The following FA2H variants were observed in gnomAD, a reference collection of about 807,000 sequenced individuals.
FA2H encodes fatty acid 2-hydroxylase.
FA2H carries 22 observed loss-of-function variants against 44.9 expected under a neutral mutation model. The observed-to-expected ratio is 0.49, with a 90% CI of 0.35 to 0.70. The LOEUF (loss-of-function observed/expected upper bound fraction) is 0.70. Ranked by LOEUF, FA2H falls within the 30% of genes least tolerant of loss-of-function variation. FA2H has a pLI of 0.01. For missense variants in FA2H, 501 were observed against 504.9 expected (o/e 0.99, Z 0.07); for synonymous variants, 243 against 213.2 (o/e 1.14, Z -1.22).
chr16:74,730,975 C>A (rs1962060411), intron 2 of FA2H, among the ~76,000 whole-genome samples: 1 of 152,260 alleles, frequency 6.6e-6, no homozygotes, highest in Non-Finnish European at 1.5e-5. Flanking sequence ...TACTCCTTCT[C>A]CCGAAGTCCG....
intron 1 of FA2H, among the ~76,000 whole-genome samples, chr16:74,747,579 G>A (rs564337725): frequency 6.6e-6 from 1 of 152,044 alleles, no homozygotes; most frequent in African/African-American, 2.4e-5. Flanking sequence ...AGATCATTAC[G>A]GTGGGCCTTA....
At chr16:74,761,179 C>A (rs1364571251) in intron 1 of FA2H, among the ~76,000 whole-genome samples, 2 of 152,176 alleles carry the variant, frequency 1.3e-5, no homozygotes, top group African/African-American at 4.8e-5. Flanking sequence ...GGGTCGGGCG[C>A]GGTGGTTCAT....
chr16:74,736,647 C>T (rs1413927733), intron 2 of FA2H, among the ~76,000 whole-genome samples: 2 of 152,230 alleles, frequency 1.3e-5, no homozygotes, highest in African/African-American at 2.4e-5. Flanking sequence ...AGGCTGATCA[C>T]ACCCATTGGC....
intron 5 of FA2H, among the ~76,000 whole-genome samples, chr16:74,717,886 A>G (rs1268127628): frequency 1.3e-5 from 2 of 152,194 alleles, no homozygotes; most frequent in Non-Finnish European, 2.9e-5. Context: ...AAGGCTTCAC[A>G]AACAGGGCAA....
chr16:74,724,911 C>A (rs1446281033), intron 4 of FA2H, among the ~76,000 whole-genome samples: 1 of 152,188 alleles, frequency 6.6e-6, no homozygotes, highest in African/African-American at 2.4e-5. Context: ...CTGGAGGAAT[C>A]CGGCGGAGGG....
chr16:74,726,709 C>A (rs1381648188), intron 3 of FA2H, among the ~76,000 whole-genome samples: 1 of 152,202 alleles, frequency 6.6e-6, no homozygotes, highest in Non-Finnish European at 1.5e-5. Context: ...CTTAGAGACA[C>A]ATAACTCAAC....
Position 74,774,651 on chromosome 16 carries a change from G to A in FA2H, c.105C>T (p.Asp35=), listed in dbSNP as rs1215324001. ...GGTGGTGCCGCACGAAGCTGGAGAG[G>A]TCGTAGAGGCGGGCCCCGCGGCGGA... The part of the protein sequence containing the change: ...CWVRRGARLY[D]LSSFVRHHPG... The change falls in exon 1 of 7, where the codon GAC becomes GAT. Residue 35 remains aspartate (D), a synonymous_variant. Coordinates refer to ENST00000219368, the MANE Select transcript of FA2H (RefSeq NM_024306.5). The A allele has an allele frequency of 7.5e-6, 11 of 1,461,862 alleles. No individual in the cohort carries two copies. In the East Asian group the frequency reaches 1.5e-4, roughly 20 times the overall value. The allele number at this position is 1,461,862 out of a possible 1,614,324, so 90.6% of individuals were successfully genotyped here. A position where few individuals can be genotyped will look rare whatever the true frequency, so the allele number is the denominator to read the frequency against.
chr16:74,745,532 T>A (rs547286415), intron 1 of FA2H, among the ~76,000 whole-genome samples: 28 of 152,342 alleles, frequency 1.8e-4, no homozygotes, highest in Middle Eastern at 3.4e-3. Context: ...GCCAAGGTGC[T>A]CTGCCAAGGA....
chr16:74,740,218 G>A lies in FA2H; in HGVS notation c.271-103C>T, dbSNP rs976062992. The A allele has an allele frequency of 1.1e-4, 96 of 889,490 alleles. 1 individual carries two copies. Among genetic ancestry groups the A allele is most frequent in the African/African-American group, 2.0e-4 (12 of 61,074 alleles). 55.1% of individuals were successfully genotyped at this position (889,490 alleles called of 1,614,324 possible). On this transcript the variant is annotated intron_variant, in intron 1 of 6. Coordinates refer to ENST00000219368, the MANE Select transcript of FA2H (RefSeq NM_024306.5). The stretch of plus-strand genomic sequence containing the variant: ...GGCAGCCAGGAGTGGTGAGAGCCCC[G>A]TGGGTGGGGCAGGGTGGTGGAGATC...
rs1048329583 is a variant in FA2H, at chr16:74,759,034, C to T, written c.270+15452G>A. On this transcript the variant is annotated intron_variant, in intron 1 of 6. Transcript: ENST00000219368. ...CTTGGTCCCCTGCCTTATCAGGTCA[C>T]GTCCCACTCTGTTGCACCTGGCAGG... Among the ~76,000 whole-genome samples the T allele has an allele frequency of 4.6e-5, 7 of 152,196 alleles. No homozygotes were observed. In the South Asian group the frequency reaches 6.2e-4, roughly 13 times the overall value.
chr16:74,738,444 G>A (rs1962223278), intron 2 of FA2H, among the ~76,000 whole-genome samples: 1 of 152,188 alleles, frequency 6.6e-6, no homozygotes, highest in Non-Finnish European at 1.5e-5. Context: ...ACTGGGAGGA[G>A]CTGACCACAG....
intron 1 of FA2H, among the ~76,000 whole-genome samples, chr16:74,746,756 C>T (rs1480214535): frequency 6.6e-6 from 1 of 152,144 alleles, no homozygotes; most frequent in Non-Finnish European, 1.5e-5. Context: ...GGGTTTTCTT[C>T]TCTCTGTCAA....
rs189560498 is a variant in FA2H at position 74,767,001 on chromosome 16, T to G, written c.270+7485A>C. Among the ~76,000 whole-genome samples the G allele has an allele frequency of 2.5e-3, 381 of 150,846 alleles. 2 individuals are homozygous for G. Among genetic ancestry groups the G allele is most frequent in the African/African-American group, 8.6e-3 (354 of 41,012 alleles). ...TCGATCTGGGTGGTGGCAACAGAGA[T>G]GTTTACCTAGGTTAAAAAAAAAAAA... On this transcript the variant is annotated intron_variant, in intron 1 of 6. Coordinates refer to ENST00000219368, the MANE Select transcript of FA2H (RefSeq NM_024306.5).
At chr16:74,732,193 G>A (rs1391770267) in intron 2 of FA2H, among the ~76,000 whole-genome samples, 2 of 151,998 alleles carry the variant, frequency 1.3e-5, no homozygotes, top group African/African-American at 4.8e-5. Context: ...CAGCGCCCCT[G>A]GTTTTTCTAT....
chr16:74,748,093 GA>G (rs1274039037), intron 1 of FA2H, among the ~76,000 whole-genome samples: 1 of 152,058 alleles, frequency 6.6e-6, no homozygotes, highest in Non-Finnish European at 1.5e-5. Context: ...GCCCCGGGGG[GA>G]CAGGCATTCA....
At chr16:74,724,154 G>A (rs1039367958) in intron 4 of FA2H, among the ~76,000 whole-genome samples, 10 of 152,052 alleles carry the variant, frequency 6.6e-5, no homozygotes, top group Admixed American at 2.6e-4. Context: ...CACCCACCTC[G>A]GCCTCCCAAA....
At chr16:74,738,314 C>G (rs752353572) in intron 2 of FA2H, among the ~76,000 whole-genome samples, 1 of 152,128 alleles carries the variant, frequency 6.6e-6, no homozygotes, top group Admixed American at 6.5e-5. Context: ...AGGGGCCCCT[C>G]GTCCCCTTGG....
intron 1 of FA2H, among the ~76,000 whole-genome samples, chr16:74,741,858 G>GTC (rs1428435545): frequency 2.8e-5 from 4 of 142,458 alleles, no homozygotes; most frequent in African/African-American, 1.1e-4. Flanking sequence ...ATGTGTGTAT[G>GTC]TGTGTGTGTG....
intron 1 of FA2H, among the ~76,000 whole-genome samples, chr16:74,770,394 T>C (rs1962883900): frequency 6.6e-6 from 1 of 151,870 alleles, no homozygotes; most frequent in Admixed American, 6.5e-5. Context: ...TTGTTTGTTT[T>C]TGAGACAGGG....
Sources: gnomAD v4.1 joint callset for allele counts (sites outside exome capture counted in the v4.1 genomes callset) on GRCh38, gnomAD v4.1.1 for gene constraint, MANE v1.5 for transcripts, NCBI Gene and HGNC (gene_info 2026-07-23, HGNC 2026-07-21) for gene names.